Variants in GSDME observed in about 807,000 individuals in gnomAD.
GSDME encodes gasdermin E, also known as gasdermin-E.
In GSDME, 44 loss-of-function variants were observed where a neutral mutation model predicts 47.5. The ratio of observed to expected loss-of-function variants is 0.93; its 90% CI spans 0.73 to 1.19. GSDME has a LOEUF of 1.19. Ranked by LOEUF, GSDME falls within the 50% of genes most tolerant of loss-of-function variation. The pLI is 0.00. For synonymous variants in GSDME, 258 were observed against 252.8 expected, an observed-to-expected ratio of 1.02 and a Z score of -0.20; for missense variants, 663 against 604.2, an observed-to-expected ratio of 1.10 and a Z score of -1.02.
chr7:24,704,163 AC>A (rs1788999094), intron 8 of GSDME: 1 of 152,212 alleles, frequency 6.6e-6, no homozygotes, highest in African/African-American at 2.4e-5. Context: ...CTTGATATTT[AC>A]CTAGCACTGC....
chr7:24,745,377 GC>G lies in GSDME; in HGVS notation c.212-624del, dbSNP rs1339256436. ...ACCAGTCTTGGAAAACAATCCCCTG[GC>G]CCTTATTACCATCTCCAGTCAAATT... On this transcript the variant is annotated intron_variant, in intron 2 of 9. Coordinates refer to ENST00000645220, the MANE Select transcript of GSDME (RefSeq NM_001127453.2). This position sits in a 1 kb window ranked among gnomAD's most constrained non-coding sequence, Gnocchi z 4.4. 1.3e-5 allele frequency among the ~76,000 whole-genome samples: 2 copies of G among 151,972 alleles called. No homozygotes were observed. The highest frequency in any genetic ancestry group is 2.9e-5 in the Non-Finnish European group (2 of 67,990).
intron 1 of GSDME, among the ~76,000 whole-genome samples, chr7:24,755,895 C>G (rs898976759): frequency 6.6e-6 from 1 of 152,128 alleles, no homozygotes; most frequent in Admixed American, 6.5e-5. Context: ...CATGGCTGTA[C>G]TTGTCTACTT....
At chr7:24,761,721 GT>G (rs985823775), upstream of GSDME, among the ~76,000 whole-genome samples, 3 of 152,200 alleles carry the variant, frequency 2.0e-5, no homozygotes, top group Admixed American at 2.0e-4. This position sits in a 1 kb window ranked among gnomAD's most constrained non-coding sequence, Gnocchi z 4.4. Flanking sequence ...CATCATGGTG[GT>G]TTTTGGGAAG....
chr7:24,781,848 A>C, the GSDME span, among the ~76,000 whole-genome samples: 1 of 152,074 alleles, frequency 6.6e-6, no homozygotes, highest in African/African-American at 2.4e-5. Context: ...GGCTCAAGCA[A>C]TCCAACCACC....
At chr7:24,710,489 G>T in intron 5 of GSDME, 101 bp from the exon 6 acceptor site, 1 of 1,120,654 alleles carries the variant, frequency 8.9e-7, no homozygotes, top group African/African-American at 1.5e-5. Flanking sequence ...CATCTTAGAC[G>T]TAACTCAGTG....
intron 3 of GSDME, among the ~76,000 whole-genome samples, chr7:24,720,112 C>T (rs1433933025): frequency 6.6e-6 from 1 of 152,194 alleles, no homozygotes; most frequent in Non-Finnish European, 1.5e-5. Flanking sequence ...GAAACTGAGG[C>T]TGGTTATGCA....
chr7:24,735,871 T>C lies in GSDME; in HGVS notation c.404+8691A>G, dbSNP rs1014697600. The stretch of plus-strand genomic sequence containing the variant: ...ATATAAATAGAAAAAAGGAAAAAGT[T>C]AAGCCGGGGGACAAAGTTAAGGCGT... On this transcript the variant is annotated intron_variant, in intron 3 of 9. Transcript: ENST00000645220. The surrounding 1 kb of genome is among the most constrained non-coding windows in gnomAD (Gnocchi z 4.4). Among the ~76,000 whole-genome samples the C allele has an allele frequency of 2.6e-5, 4 of 152,034 alleles. No individual in the cohort carries two copies. The highest frequency in any genetic ancestry group is 9.7e-5 in the African/African-American group (4 of 41,434).
intron 8 of GSDME, chr7:24,704,536 C>A (rs1352434646): frequency 6.6e-6 from 1 of 152,190 alleles, no homozygotes; most frequent in Non-Finnish European, 1.5e-5. Flanking sequence ...CTGGCCTCCA[C>A]TGGGACTGAC....
At position 24,699,063 on chromosome 7, in the gene GSDME, A is replaced by C. The variant is rs753365638; in HGVS notation, c.1454T>G (p.Leu485Arg). Residue 485 changes from leucine (L) to arginine (R), a missense_variant, in exon 10 of 10, where the codon CTG (leucine) becomes CGG (arginine). Transcript: ENST00000645220. ...TCTGCCTAAAGCACAGAGTCCATTC[A>C]GGGTTATACAAAGAAGCAGTGGGAA... is the stretch of plus-strand genomic sequence containing the variant. ...KVFPLLLCITLNGLCALGREH... is the reference protein window; with the variant it reads ...KVFPLLLCITRNGLCALGREH... 17 of 1,613,916 alleles carry C rather than the reference A, an allele frequency of 1.1e-5. No homozygotes were observed. In the East Asian group the frequency reaches 3.1e-4, roughly 30 times the overall value.
chr7:24,735,915 C>A lies in GSDME; in HGVS notation c.404+8647G>T, dbSNP rs1790292716. On this transcript the variant is annotated intron_variant, in intron 3 of 9. Coordinates refer to ENST00000645220, the MANE Select transcript of GSDME (RefSeq NM_001127453.2). This position sits in a 1 kb window ranked among gnomAD's most constrained non-coding sequence, Gnocchi z 4.4. ...AAGGCGTGGAGTTTGTATTCATTTT[C>A]TTTTTATTTGTTTATGCTAGCAGTG... 6.6e-6 allele frequency among the ~76,000 whole-genome samples: 1 copy of A among 151,988 alleles called. No individual in the cohort carries two copies.
chr7:24,785,875 T>A, the GSDME span, among the ~76,000 whole-genome samples: 2 of 152,240 alleles, frequency 1.3e-5, no homozygotes, highest in Non-Finnish European at 2.9e-5. Flanking sequence ...CTATCTGCAA[T>A]CTATTGATTC....
intron 4 of GSDME, 111 bp downstream of exon 4, chr7:24,718,936 A>T: frequency 8.0e-7 from 1 of 1,247,656 alleles, no homozygotes; most frequent in Non-Finnish European, 1.2e-6. Flanking sequence ...GGTTTCTGTT[A>T]ACTTGCTACG....
At chr7:24,715,608 T>TA in intron 5 of GSDME, 1 of 409,574 alleles carries the variant, frequency 2.4e-6, no homozygotes, top group African/African-American at 2.1e-5. Context: ...TGACCCTACT[T>TA]ACCACATACA....
chr7:24,778,809 C>T, the GSDME span, among the ~76,000 whole-genome samples: 1 of 152,328 alleles, frequency 6.6e-6, no homozygotes, highest in South Asian at 2.1e-4. The surrounding 1 kb of genome is among the most constrained non-coding windows in gnomAD (Gnocchi z 5.6). Context: ...CCACTCCTAG[C>T]AGGAATCTGG....
the GSDME span, among the ~76,000 whole-genome samples, chr7:24,779,498 G>GGTGT: frequency 4.9e-3 from 706 of 143,126 alleles, 10 homozygotes; most frequent in African/African-American, 0.014. This position sits in a 1 kb window ranked among gnomAD's most constrained non-coding sequence, Gnocchi z 6.0. Context: ...AGTGATACAT[G>GGTGT]GTGTGTGTGT....
At chr7:24,752,624 A>G (rs1470907178) in intron 1 of GSDME, among the ~76,000 whole-genome samples, 1 of 152,160 alleles carries the variant, frequency 6.6e-6, no homozygotes, top group Non-Finnish European at 1.5e-5. Flanking sequence ...GCCAGTTACC[A>G]AGAGAGGGAA....
chr7:24,765,305 C>T, the GSDME span, among the ~76,000 whole-genome samples: 1 of 152,140 alleles, frequency 6.6e-6, no homozygotes, highest in Non-Finnish European at 1.5e-5. Context: ...AAAAAGTTTA[C>T]AAAAAGAAAA....
the GSDME span, among the ~76,000 whole-genome samples, chr7:24,764,937 A>G: frequency 0.025 from 3,862 of 152,336 alleles, 173 homozygotes; most frequent in African/African-American, 0.088. This position sits in a 1 kb window ranked among gnomAD's most constrained non-coding sequence, Gnocchi z 4.4. Context: ...TAAGAAGCTT[A>G]CAACCACTAG....
chr7:24,794,244 TTC>T, the GSDME span, among the ~76,000 whole-genome samples: 1 of 151,740 alleles, frequency 6.6e-6, no homozygotes, highest in East Asian at 1.9e-4. Context: ...CTCTCTTGCT[TTC>T]TCTCTTTGCC....
Sources: allele counts gnomAD v4.1 joint callset (sites outside exome capture counted in the v4.1 genomes callset), GRCh38; gene constraint gnomAD v4.1.1; non-coding constraint Gnocchi (gnomAD v3.1); transcripts MANE v1.5; gene names NCBI Gene and HGNC (gene_info 2026-07-23, HGNC 2026-07-21).